OAT: variants seen among roughly 807,000 people sequenced by gnomAD.
OAT encodes the protein ornithine aminotransferase, mitochondrial.
A neutral mutation model predicts 48.4 loss-of-function variants in OAT; 35 were observed. That is an observed-to-expected ratio of 0.72 (90% CI 0.55 to 0.96). The LOEUF is 0.96. OAT is among the 40% of genes least tolerant of loss of function. OAT has a pLI of 0.00. For missense variants in OAT, 438 were observed against 537.9 expected, an observed-to-expected ratio of 0.81 and a Z score of 1.84; for synonymous variants, 182 against 198.4, an observed-to-expected ratio of 0.92 and a Z score of 0.70.
chr10:124,400,843 TG>T lies in OAT; in HGVS notation c.1155del (p.Asp387IlefsTer33). On this transcript the variant is annotated frameshift_variant, in exon 9 of 10. Coordinates refer to ENST00000368845, the MANE Select transcript of OAT (RefSeq NM_000274.4). LOFTEE classifies it high-confidence loss of function. ...AGTAAATGTTTTATCTCCATACCTT[TG>T]GTTTCTTTAATGACAATAGCGTTTA... ...GLLNAIVIKETKDWDAWKVCL... is the reference protein window; with the variant it reads ...GLLNAIVIKEXKDWDAWKVCL... The T allele has an allele frequency of 6.3e-7, 1 of 1,595,952 alleles. No homozygotes were observed. The highest frequency in any genetic ancestry group is 8.6e-7 in the Non-Finnish European group (1 of 1,166,004).
At chr10:124,413,134 T>C (rs1010562747) in intron 1 of OAT, among the ~76,000 whole-genome samples, 3 of 152,130 alleles carry the variant, frequency 2.0e-5, no homozygotes, top group African/African-American at 7.2e-5. Flanking sequence ...TATCTAAAAC[T>C]TCTGTAGGTC....
chr10:124,405,238 G>A (rs1266877201), intron 5 of OAT, among the ~76,000 whole-genome samples, 198 bp downstream of exon 5: 1 of 152,172 alleles, frequency 6.6e-6, no homozygotes, highest in African/African-American at 2.4e-5. Context: ...TTGGCTGGCT[G>A]TACAGAGTAG....
At chr10:124,407,220 G>A (rs1054366597) in intron 4 of OAT, 4 of 985,414 alleles carry the variant, frequency 4.1e-6, no homozygotes, top group Non-Finnish European at 4.8e-6. Context: ...GCACTGATTA[G>A]ACCATAAGCC....
intron 4 of OAT, chr10:124,405,993 A>ACAGAGT: frequency 9.3e-7 from 1 of 1,080,086 alleles, no homozygotes; most frequent in East Asian, 7.5e-5. Flanking sequence ...CAAAACTCCA[A>ACAGAGT]TACTGCAGGC....
In OAT at chr10:124,398,082, A is replaced by G. The variant is rs121965054; in HGVS notation, c.1180T>C (p.Cys394Arg). 1.2e-6 allele frequency: 2 copies of G among 1,614,114 alleles called. No individual in the cohort carries two copies. The highest frequency in any genetic ancestry group is 2.7e-5 in the African/African-American group (2 of 75,048). Residue 394 changes from cysteine to arginine, a missense_variant, in exon 10 of 10, where the codon TGT becomes CGT. By Grantham distance (180) the Cys-to-Arg change is radical (BLOSUM62 -3). Coordinates refer to ENST00000368845, the MANE Select transcript of OAT (RefSeq NM_000274.4). Reference sequence around the variant, plus strand: ...AGTCCATTATCTCGAAGTCGTAGACACACCTTCCAAGCATCCCAATCTAAA... The same window carrying G: ...AGTCCATTATCTCGAAGTCGTAGACGCACCTTCCAAGCATCCCAATCTAAA... ...ETKDWDAWKV[C>R]LRLRDNGLLA...
intron 9 of OAT, 52 bp from the exon 10 acceptor site, chr10:124,398,154 C>T (rs761802539): frequency 2.1e-5 from 33 of 1,601,842 alleles, no homozygotes; most frequent in Non-Finnish European, 2.6e-5. Context: ...TTTAAACATC[C>T]CTTGCCGTAT....
chr10:124,408,516 A>G, intron 4 of OAT, 26 bp downstream of exon 4: 1 of 1,547,280 alleles, frequency 6.5e-7, no homozygotes, highest in Non-Finnish European at 8.9e-7. Flanking sequence ...TTTCAATCAT[A>G]GAAGTTAATA....
chr10:124,411,354 A>C (rs373030079), intron 2 of OAT, among the ~76,000 whole-genome samples: 1 of 152,136 alleles, frequency 6.6e-6, no homozygotes. Flanking sequence ...AACTTTTCTT[A>C]AGTCTAAAAC....
Position 124,398,626 on chromosome 10 carries a change from A to G in OAT, c.1160-524T>C, listed in dbSNP as rs1016012142. Among the ~76,000 whole-genome samples the G allele has an allele frequency of 3.3e-4, 50 of 150,132 alleles. 1 individual carries two copies. Among genetic ancestry groups the G allele is most frequent in the African/African-American group, 1.2e-3 (48 of 40,484 alleles). On this transcript the variant is annotated intron_variant, in intron 9 of 9. Coordinates refer to ENST00000368845, the MANE Select transcript of OAT (RefSeq NM_000274.4). The stretch of plus-strand genomic sequence containing the variant: ...AGGTTTGAATGATATGATTAGACAT[A>G]TCATAGTTTTTCATAAATGAAAAAG...
chr10:124,403,924 C>T lies in OAT; in HGVS notation c.649-4G>A. The T allele has an allele frequency of 6.2e-7, 1 of 1,614,030 alleles. No individual in the cohort carries two copies. The highest frequency in any genetic ancestry group is 2.2e-5 in the East Asian group (1 of 44,878). ...CATTTGGATCCTGAAGAGCACGCTA[C>T]AGAAGAAACAGGAATAAGTTTTAAT... On this transcript the variant is annotated splice_polypyrimidine_tract_variant and splice_region_variant and intron_variant, in intron 5 of 9. Transcript: ENST00000368845.
At chr10:124,401,295 G>C (rs1015350604) in intron 8 of OAT, among the ~76,000 whole-genome samples, 1 of 152,216 alleles carries the variant, frequency 6.6e-6, no homozygotes, top group Admixed American at 6.5e-5. Context: ...AACTGCAATA[G>C]TTTCTTCCCC....
intron 5 of OAT, 130 bp downstream of exon 5, chr10:124,405,306 T>C: frequency 7.4e-7 from 1 of 1,345,604 alleles, no homozygotes; most frequent in Non-Finnish European, 1.0e-6. Flanking sequence ...TGAGAACAAG[T>C]CTGAAATCGT....
chr10:124,402,848 C>G, intron 7 of OAT, 79 bp downstream of exon 7: 2 of 1,563,000 alleles, frequency 1.3e-6, no homozygotes, highest in Non-Finnish European at 1.8e-6. Context: ...ATTGTTGTCA[C>G]AATCAGTTGA....
At chr10:124,417,385 A>G (rs769293797) in intron 1 of OAT, among the ~76,000 whole-genome samples, 1 of 150,398 alleles carries the variant, frequency 6.6e-6, no homozygotes, top group Non-Finnish European at 1.5e-5. Flanking sequence ...CCCGGGTTCA[A>G]GCAATTCTCC....
intron 1 of OAT, chr10:124,415,018 G>A (rs1479882300): frequency 7.5e-6 from 1 of 133,090 alleles, no homozygotes; most frequent in Non-Finnish European, 1.5e-5. Flanking sequence ...CTGAGTTCTG[G>A]GCTGCAGTGA....
intron 4 of OAT, 23 bp downstream of exon 4, chr10:124,408,519 A>G: frequency 1.3e-6 from 2 of 1,557,740 alleles, no homozygotes; most frequent in East Asian, 4.5e-5. Context: ...CAATCATAGA[A>G]GTTAATATTT....
intron 4 of OAT, chr10:124,407,048 T>A (rs1951601144): frequency 1.0e-6 from 1 of 985,436 alleles, no homozygotes; most frequent in Non-Finnish European, 1.2e-6. Context: ...AGCAACTCCA[T>A]TAATCAGTGC....
intron 4 of OAT, among the ~76,000 whole-genome samples, chr10:124,407,676 A>G (rs565626846): frequency 3.3e-5 from 5 of 152,346 alleles, no homozygotes; most frequent in Admixed American, 2.6e-4. Flanking sequence ...CAACTATCAC[A>G]AGAATGAACT....
chr10:124,415,071 C>CGAGACTGTGTA lies in OAT; in HGVS notation c.-29-2872_-29-2871insTACACAGTCTC, dbSNP rs1293798332. 2 of 1,036 alleles carry CGAGACTGTGTA rather than the reference C, an allele frequency of 1.9e-3. 1 individual carries two copies. Among genetic ancestry groups the CGAGACTGTGTA allele is most frequent in the African/African-American group, 0.029 (2 of 68 alleles). 0.1% of individuals were successfully genotyped at this position (1,036 alleles called of 1,614,324 possible). On this transcript the variant is annotated intron_variant, in intron 1 of 9. Transcript: ENST00000368845. ...CAGCACTCCAGCCTGGGCTACAAAG[C>CGAGACTGTGTA]GCTAAAAAAAAAAAAAAAAAAAAAA...
Sources: gnomAD v4.1 joint callset for allele counts (sites outside exome capture counted in the v4.1 genomes callset) on GRCh38, gnomAD v4.1.1 for gene constraint, MANE v1.5 for transcripts, NCBI Gene and HGNC (gene_info 2026-07-23, HGNC 2026-07-21) for gene names.